PRKCE: variants seen among roughly 807,000 people sequenced by gnomAD.
PRKCE encodes the protein protein kinase C epsilon.
Under a neutral mutation model 85.4 loss-of-function variants are expected in PRKCE, and 16 were observed. The observed-to-expected ratio is 0.19, with a 90% CI of 0.13 to 0.28. The LOEUF (loss-of-function observed/expected upper bound fraction) is 0.28. Among genes scored for constraint, PRKCE ranks in the 10% least tolerant of loss-of-function variants. The pLI, the probability that PRKCE is intolerant of heterozygous loss-of-function variation, is 1.00. For missense variants in PRKCE, 573 were observed against 975.2 expected, an observed-to-expected ratio of 0.59 and a Z score of 5.49; for synonymous variants, 388 against 371.5, an observed-to-expected ratio of 1.04 and a Z score of -0.51.
intron 11 of PRKCE, among the ~76,000 whole-genome samples, chr2:46,097,010 T>C (rs1375358056): frequency 6.6e-6 from 1 of 152,190 alleles, no homozygotes. Context: ...CCCACGATGG[T>C]GGCAGTGCAG....
intron 2 of PRKCE, among the ~76,000 whole-genome samples, chr2:45,956,570 A>C (rs1365043189): frequency 6.6e-6 from 1 of 151,900 alleles, no homozygotes; most frequent in Non-Finnish European, 1.5e-5. Flanking sequence ...CTGTAGTCCC[A>C]GCTACTCAGG....
chr2:45,738,943 C>G (rs183317839), intron 1 of PRKCE, among the ~76,000 whole-genome samples: 45 of 152,274 alleles, frequency 3.0e-4, no homozygotes, highest in Non-Finnish European at 5.7e-4. Context: ...TTTTATTAAG[C>G]AAATTAAGGG....
chr2:45,850,049 A>T (rs185464618), intron 2 of PRKCE, among the ~76,000 whole-genome samples: 1 of 152,172 alleles, frequency 6.6e-6, no homozygotes, highest in African/African-American at 2.4e-5. Flanking sequence ...TTTCCTTCCA[A>T]ATAGCCTCTA....
At chr2:46,010,036 C>T (rs892747760) in intron 9 of PRKCE, among the ~76,000 whole-genome samples, 1 of 152,190 alleles carries the variant, frequency 6.6e-6, no homozygotes, top group Non-Finnish European at 1.5e-5. Context: ...ATTGTAGTAA[C>T]TATTAGAATG....
At chr2:45,664,284 A>G (rs1020022668) in intron 1 of PRKCE, among the ~76,000 whole-genome samples, 3 of 152,214 alleles carry the variant, frequency 2.0e-5, no homozygotes, top group Non-Finnish European at 4.4e-5. Context: ...TCGGTTTGAA[A>G]TCTAGTTTTA....
At chr2:46,024,556 G>T (rs550417372) in intron 10 of PRKCE, among the ~76,000 whole-genome samples, 107 of 152,200 alleles carry the variant, frequency 7.0e-4, no homozygotes, top group Middle Eastern at 6.8e-3. Context: ...CTTGTGTGCG[G>T]GTTGCTAGGA....
intron 11 of PRKCE, among the ~76,000 whole-genome samples, chr2:46,100,493 A>G (rs923528572): frequency 1.9e-4 from 29 of 152,178 alleles, no homozygotes; most frequent in African/African-American, 7.0e-4. Flanking sequence ...AGGAGCAGGG[A>G]TGCTTGCTCA....
chr2:45,893,721 C>T (rs1695913981), intron 2 of PRKCE, among the ~76,000 whole-genome samples: 2 of 152,102 alleles, frequency 1.3e-5, no homozygotes, highest in South Asian at 2.1e-4. Flanking sequence ...ACCTCATGGG[C>T]CACTCTTATT....
At chr2:46,065,752 T>G (rs896423745) in intron 10 of PRKCE, among the ~76,000 whole-genome samples, 2 of 152,146 alleles carry the variant, frequency 1.3e-5, no homozygotes, top group African/African-American at 4.8e-5. Flanking sequence ...TCCTAAAATA[T>G]CTTTATTATA....
At chr2:45,915,143 C>T (rs1573860154) in intron 2 of PRKCE, among the ~76,000 whole-genome samples, 1 of 152,322 alleles carries the variant, frequency 6.6e-6, no homozygotes, top group African/African-American at 2.4e-5. Flanking sequence ...CCCACCTTGG[C>T]CTCCCAAAGT....
rs113863661 is a variant in PRKCE at position 45,924,929 on chromosome 2, T to C, written c.413-51500T>C. 4.1e-3 allele frequency among the ~76,000 whole-genome samples: 626 copies of C among 152,250 alleles called. 5 individuals carry two copies. Among genetic ancestry groups the C allele is most frequent in the African/African-American group, 0.015 (603 of 41,558 alleles). ...CTCTGAGTTCCTTGGTGCTCATCAG[T>C]GAGCAGGGACATGGACAGCTCTGAG... On this transcript the variant is annotated intron_variant, in intron 2 of 14. Coordinates refer to ENST00000306156, the MANE Select transcript of PRKCE (RefSeq NM_005400.3).
At chr2:46,102,609 A>T (rs1202088625) in intron 11 of PRKCE, among the ~76,000 whole-genome samples, 1 of 152,104 alleles carries the variant, frequency 6.6e-6, no homozygotes, top group East Asian at 1.9e-4. Context: ...ATCATATTAC[A>T]TTTAGTTGTC....
chr2:45,935,366 G>A (rs1699366363), intron 2 of PRKCE, among the ~76,000 whole-genome samples: 1 of 152,168 alleles, frequency 6.6e-6, no homozygotes. Context: ...CCTCCTCTCA[G>A]AGCCGGCCTC....
intron 10 of PRKCE, among the ~76,000 whole-genome samples, chr2:46,027,724 G>A (rs1480142907): frequency 2.6e-5 from 4 of 152,220 alleles, no homozygotes; most frequent in Non-Finnish European, 5.9e-5. Context: ...CTAAAGTTTC[G>A]ATTTTCCTGT....
At chr2:45,987,738 A>G (rs1447295579) in intron 6 of PRKCE, among the ~76,000 whole-genome samples, 4 of 152,236 alleles carry the variant, frequency 2.6e-5, no homozygotes, top group Admixed American at 2.6e-4. Flanking sequence ...ACAAATGGAC[A>G]GTGCTCGTTA....
chr2:46,100,872 TTCTC>T (rs1475216574), intron 11 of PRKCE, among the ~76,000 whole-genome samples: 9 of 151,986 alleles, frequency 5.9e-5, no homozygotes, highest in Admixed American at 3.3e-4. Flanking sequence ...TTCTCTTCTC[TTCTC>T]TTCTCTTTTC....
chr2:45,701,434 G>A (rs1678632639), intron 1 of PRKCE: 1 of 152,150 alleles, frequency 6.6e-6, no homozygotes, highest in African/African-American at 2.4e-5. Flanking sequence ...GCTCCCATCA[G>A]TTACCCTATG....
intron 11 of PRKCE, among the ~76,000 whole-genome samples, chr2:46,103,383 C>A (rs574647141): frequency 3.3e-5 from 5 of 152,262 alleles, no homozygotes; most frequent in Non-Finnish European, 7.4e-5. Flanking sequence ...AAATAGAAAC[C>A]AAAATCTAGG....
chr2:45,916,047 T>C (rs1182444925), intron 2 of PRKCE, among the ~76,000 whole-genome samples: 1 of 152,116 alleles, frequency 6.6e-6, no homozygotes, highest in Admixed American at 6.5e-5. Context: ...TTAGGATGGC[T>C]CTAGGGCTCA....
Sources: gnomAD v4.1 joint callset for allele counts (sites outside exome capture counted in the v4.1 genomes callset) on GRCh38, gnomAD v4.1.1 for gene constraint, MANE v1.5 for transcripts, NCBI Gene and HGNC (gene_info 2026-07-23, HGNC 2026-07-21) for gene names.